The following RBFOX1 variants were observed in gnomAD, a reference collection of about 807,000 sequenced individuals.
The protein encoded by RBFOX1 is RNA binding fox-1 homolog 1.
In RBFOX1, 8 loss-of-function variants were observed where a neutral mutation model predicts 57.7. The ratio of observed to expected loss-of-function variants is 0.14; its 90% CI spans 0.08 to 0.25. RBFOX1 has a LOEUF of 0.25. Ranked by LOEUF, RBFOX1 falls within the 10% of genes least tolerant of loss-of-function variation. The pLI, the probability that RBFOX1 is intolerant of heterozygous loss-of-function variation, is 1.00. For synonymous variants in RBFOX1, 326 were observed against 222.4 expected (o/e 1.47, Z -4.15); for missense variants, 611 against 548.5 (o/e 1.11, Z -1.14).
chr16:6,448,225 T>C (rs1043766775), intron 2 of RBFOX1, among the ~76,000 whole-genome samples: 6 of 143,300 alleles, frequency 4.2e-5, no homozygotes, highest in African/African-American at 1.6e-4. Context: ...AGTGGCGTGA[T>C]TTTGGCTCAC....
At chr16:6,074,187 A>G (rs1464011582) in intron 1 of RBFOX1, among the ~76,000 whole-genome samples, 2 of 152,132 alleles carry the variant, frequency 1.3e-5, no homozygotes, top group East Asian at 3.9e-4. Context: ...TGACCTTGTG[A>G]TCCGCCCGCC....
At chr16:6,574,124 T>C (rs1258530442) in intron 2 of RBFOX1, among the ~76,000 whole-genome samples, 1 of 152,166 alleles carries the variant, frequency 6.6e-6, no homozygotes, top group Non-Finnish European at 1.5e-5. Flanking sequence ...AGCTGCACAC[T>C]CAAGGAGATG....
At chr16:5,862,162 A>G (rs576100443) in intron 3 of RBFOX1, among the ~76,000 whole-genome samples, 13 of 152,332 alleles carry the variant, frequency 8.5e-5, no homozygotes, top group African/African-American at 1.2e-4. Flanking sequence ...ACGACCTGCT[A>G]GACTCCTTCA....
intron 2 of RBFOX1, among the ~76,000 whole-genome samples, chr16:6,321,501 T>C (rs1323233029): frequency 6.6e-6 from 1 of 152,196 alleles, no homozygotes; most frequent in Non-Finnish European, 1.5e-5. Context: ...GATCCAGAAC[T>C]AAAGGTTTAA....
intron 3 of RBFOX1, among the ~76,000 whole-genome samples, chr16:6,905,416 G>T (rs987926184): frequency 6.6e-6 from 1 of 151,944 alleles, no homozygotes; most frequent in South Asian, 2.1e-4. Context: ...AACTGAGCAT[G>T]GTGGCACACT....
chr16:6,589,575 T>C (rs552162111), intron 2 of RBFOX1, among the ~76,000 whole-genome samples: 9 of 152,326 alleles, frequency 5.9e-5, no homozygotes, highest in African/African-American at 1.7e-4. Context: ...TATTTTACAA[T>C]AGTGGTGTTA....
intron 2 of RBFOX1, among the ~76,000 whole-genome samples, chr16:6,619,169 GAA>G (rs149404473): frequency 1.7e-3 from 258 of 147,660 alleles, no homozygotes; most frequent in Non-Finnish European, 3.2e-3. Flanking sequence ...CCAGGAAGGA[GAA>G]AAAAAAAAAC....
intron 2 of RBFOX1, among the ~76,000 whole-genome samples, chr16:6,420,679 C>G (rs768702509): frequency 6.6e-6 from 1 of 152,174 alleles, no homozygotes; most frequent in African/African-American, 2.4e-5. Flanking sequence ...TATGAAAGTT[C>G]CCAGCTTGTG....
chr16:6,842,090 C>T lies in RBFOX1; in HGVS notation c.-16+187440C>T, dbSNP rs369420776. Among the ~76,000 whole-genome samples the T allele has an allele frequency of 2.7e-4, 41 of 151,314 alleles. No homozygotes were observed. The Middle Eastern group carries it at 0.01, about 38-fold the overall frequency. On this transcript the variant is annotated intron_variant, in intron 3 of 15. Coordinates refer to ENST00000550418, the MANE Select transcript of RBFOX1 (RefSeq NM_018723.4). ...CCCGGGAGGCGGAACTTGCAGTGAG[C>T]GGAGATCGCGCCACTGCACTCCAGC...
rs181470177 is a variant in RBFOX1 at position 7,185,726 on chromosome 16, A to G, written c.27+133628A>G. On this transcript the variant is annotated intron_variant, in intron 4 of 15. Coordinates refer to ENST00000550418, the MANE Select transcript of RBFOX1 (RefSeq NM_018723.4). ...TTTTTGCTACCACTGAAAGTGGTAA[A>G]TGAGGCACATAAATGTCGAGATATT... is the stretch of plus-strand genomic sequence containing the variant. Among the ~76,000 whole-genome samples the G allele has an allele frequency of 2.0e-4, 30 of 152,334 alleles. No homozygotes were observed. The East Asian group carries it at 5.4e-3, about 27-fold the overall frequency.
chr16:7,301,025 T>C (rs1032036641), intron 4 of RBFOX1, among the ~76,000 whole-genome samples: 12 of 138,276 alleles, frequency 8.7e-5, no homozygotes, highest in African/African-American at 3.1e-4. Flanking sequence ...TTATTGATGT[T>C]GGAGAATCAT....
chr16:5,795,604 G>A (rs76525146), intron 3 of RBFOX1, among the ~76,000 whole-genome samples: 1,916 of 152,234 alleles, frequency 0.013, 42 homozygotes, highest in African/African-American at 0.042. Context: ...TCTTCAATAT[G>A]TTGTTTCCTT....
intron 2 of RBFOX1, among the ~76,000 whole-genome samples, chr16:6,453,885 C>A (rs1394477769): frequency 6.6e-6 from 1 of 152,216 alleles, no homozygotes; most frequent in Non-Finnish European, 1.5e-5. Context: ...CTGAAGCTGC[C>A]ATAGTAAAAT....
At chr16:7,137,040 A>T (rs1439176656) in intron 4 of RBFOX1, among the ~76,000 whole-genome samples, 1 of 152,216 alleles carries the variant, frequency 6.6e-6, no homozygotes, top group African/African-American at 2.4e-5. Flanking sequence ...CTAAGTTCCT[A>T]TTTGTATCAC....
chr16:6,104,268 G>A (rs4786082), intron 1 of RBFOX1, among the ~76,000 whole-genome samples: 53,431 of 151,982 alleles, frequency 0.35, 9,837 homozygotes, highest in Middle Eastern at 0.38. Context: ...TTTAAAATAC[G>A]CTTCTTAAGT....
intron 1 of RBFOX1, among the ~76,000 whole-genome samples, chr16:6,193,248 T>A (rs774297763): frequency 7.9e-5 from 12 of 151,024 alleles, no homozygotes; most frequent in Non-Finnish European, 1.6e-4. Context: ...CAACAGCTGA[T>A]TAGACTGAGG....
chr16:6,879,769 C>T lies in RBFOX1; in HGVS notation c.-15-172288C>T, dbSNP rs142197845. Among the ~76,000 whole-genome samples the T allele has an allele frequency of 5.5e-3, 833 of 152,268 alleles. 15 individuals are homozygous for T. The highest frequency in any genetic ancestry group is 0.019 in the African/African-American group (798 of 41,550). On this transcript the variant is annotated intron_variant, in intron 3 of 15. Coordinates refer to ENST00000550418, the MANE Select transcript of RBFOX1 (RefSeq NM_018723.4). ...TAACAGTGTTCCTGGCTGTTACTAA[C>T]CCTTCCTCTGATTTGACATTGGAAT...
At chr16:5,903,096 G>A (rs1480808973) in intron 4 of RBFOX1, among the ~76,000 whole-genome samples, 4 of 151,874 alleles carry the variant, frequency 2.6e-5, no homozygotes, top group Non-Finnish European at 4.4e-5. Context: ...ATGGGTGTGT[G>A]TGGGTGTGTG....
chr16:5,918,040 A>C (rs560704048), intron 4 of RBFOX1, among the ~76,000 whole-genome samples: 51 of 152,182 alleles, frequency 3.4e-4, no homozygotes, highest in Admixed American at 5.9e-4. Flanking sequence ...CCCTCCTTTC[A>C]CAGGTCAAAT....
Sources: gnomAD v4.1 joint callset for allele counts (sites outside exome capture counted in the v4.1 genomes callset) on GRCh38, gnomAD v4.1.1 for gene constraint, MANE v1.5 for transcripts, NCBI Gene and HGNC (gene_info 2026-07-23, HGNC 2026-07-21) for gene names.